The following RBFOX1 variants were observed in gnomAD, a reference collection of about 807,000 sequenced individuals.
The protein encoded by RBFOX1 is RNA binding protein fox-1 homolog 1.
Under a neutral mutation model 57.7 loss-of-function variants are expected in RBFOX1, and 8 were observed. The ratio of observed to expected loss-of-function variants is 0.14; its 90% CI spans 0.08 to 0.25. The LOEUF is 0.25. RBFOX1 is among the 10% of genes least tolerant of loss of function. RBFOX1 has a pLI of 1.00. For missense variants in RBFOX1, 611 were observed against 548.5 expected, an observed-to-expected ratio of 1.11 and a Z score of -1.14; for synonymous variants, 326 against 222.4, an observed-to-expected ratio of 1.47 and a Z score of -4.15.
chr16:6,660,376 G>C, intron 3 of RBFOX1, among the ~76,000 whole-genome samples: 1 of 152,176 alleles, frequency 6.6e-6, no homozygotes, highest in South Asian at 2.1e-4. Context: ...TGCACATCCC[G>C]CACATGTACC....
chr16:6,152,429 T>A (rs1013794197), intron 1 of RBFOX1, among the ~76,000 whole-genome samples: 1 of 152,186 alleles, frequency 6.6e-6, no homozygotes, highest in African/African-American at 2.4e-5. Flanking sequence ...GCCTGTTTAC[T>A]TCAAGGTAGA....
At chr16:7,396,214 A>C (rs1175869107) in intron 4 of RBFOX1, among the ~76,000 whole-genome samples, 1 of 152,140 alleles carries the variant, frequency 6.6e-6, no homozygotes, top group Non-Finnish European at 1.5e-5. Flanking sequence ...CTGTGTCTCC[A>C]AGAGCAAGGC....
intron 4 of RBFOX1, among the ~76,000 whole-genome samples, chr16:7,391,334 A>G (rs2098015134): frequency 2.0e-5 from 3 of 152,156 alleles, no homozygotes; most frequent in Admixed American, 6.5e-5. Context: ...TCATGGAGGT[A>G]GAGGAAAGAA....
rs117612784 is a variant in RBFOX1, at chr16:5,654,122, G to C, written c.318+55161G>C. The stretch of plus-strand genomic sequence containing the variant: ...ACACGTCTGGGTCAAATACTAGCTC[G>C]AGCATGCACCTGCTGTGTCAGTCTG... On this transcript the variant is annotated intron_variant, in intron 3 of 19. Coordinates refer to the RBFOX1 transcript ENST00000641259. 9.2e-3 allele frequency among the ~76,000 whole-genome samples: 1,399 copies of C among 152,274 alleles called. 11 individuals are homozygous for C. Among genetic ancestry groups the C allele is most frequent in the Non-Finnish European group, 0.015 (1,003 of 68,028 alleles).
chr16:7,237,171 G>T (rs767694465), intron 4 of RBFOX1, among the ~76,000 whole-genome samples: 1 of 152,198 alleles, frequency 6.6e-6, no homozygotes, highest in Non-Finnish European at 1.5e-5. Flanking sequence ...CAGCGTGCCA[G>T]ATGCCATCAC....
chr16:5,896,834 C>T (rs1052257242), intron 4 of RBFOX1, among the ~76,000 whole-genome samples: 3 of 152,016 alleles, frequency 2.0e-5, no homozygotes, highest in African/African-American at 4.8e-5. Context: ...TCTGGTGAAG[C>T]ATCAACAGCA....
At chr16:7,210,700 C>T (rs1234247258) in intron 4 of RBFOX1, among the ~76,000 whole-genome samples, 5 of 152,178 alleles carry the variant, frequency 3.3e-5, no homozygotes, top group Admixed American at 2.0e-4. Context: ...TTCTAATTTA[C>T]AACATTGTTG....
At chr16:6,484,786 A>G (rs2095439456) in intron 2 of RBFOX1, among the ~76,000 whole-genome samples, 2 of 152,208 alleles carry the variant, frequency 1.3e-5, no homozygotes, top group South Asian at 4.1e-4. Context: ...GTAAAACGTT[A>G]TGAAATTATT....
intron 3 of RBFOX1, among the ~76,000 whole-genome samples, chr16:6,904,094 C>T (rs1336163745): frequency 2.0e-5 from 3 of 152,204 alleles, no homozygotes; most frequent in Admixed American, 1.3e-4. Flanking sequence ...GTCGGATGCT[C>T]TTATTCACCA....
intron 3 of RBFOX1, among the ~76,000 whole-genome samples, chr16:6,777,167 G>C (rs2079520889): frequency 7.4e-6 from 1 of 135,678 alleles, no homozygotes; most frequent in Non-Finnish European, 1.8e-5. Context: ...ATATTTCTAG[G>C]GTATTTTCTG....
chr16:6,799,890 C>T (rs546518223), intron 3 of RBFOX1, among the ~76,000 whole-genome samples: 34 of 152,270 alleles, frequency 2.2e-4, no homozygotes, highest in African/African-American at 7.9e-4. Flanking sequence ...TGAGTCATTA[C>T]TGGCTTCCTT....
At chr16:6,551,547 C>G (rs966816491) in intron 2 of RBFOX1, among the ~76,000 whole-genome samples, 25 of 152,176 alleles carry the variant, frequency 1.6e-4, no homozygotes, top group African/African-American at 5.8e-4. Flanking sequence ...CACACACATT[C>G]ATCAAGTGAT....
chr16:7,078,413 T>C (rs1252950447), intron 4 of RBFOX1, among the ~76,000 whole-genome samples: 1 of 152,204 alleles, frequency 6.6e-6, no homozygotes, highest in Non-Finnish European at 1.5e-5. Context: ...AGTGGCACGA[T>C]CTTGGCTCAC....
chr16:6,932,513 C>T (rs1180574031), intron 3 of RBFOX1, among the ~76,000 whole-genome samples: 1 of 152,162 alleles, frequency 6.6e-6, no homozygotes, highest in African/African-American at 2.4e-5. Context: ...GGATTACATC[C>T]TTAGGAGGAT....
In RBFOX1 at chr16:5,571,097, G is replaced by C. The variant is rs2046266774; in HGVS notation, c.259-27805G>C. 2.0e-5 allele frequency among the ~76,000 whole-genome samples: 3 copies of C among 151,754 alleles called. No individual in the cohort carries two copies. In the South Asian group the frequency reaches 6.3e-4, roughly 32 times the overall value. On this transcript the variant is annotated intron_variant, in intron 2 of 2. Coordinates refer to the RBFOX1 transcript ENST00000585867. ...GATGTCTGTTCACTGAAGATCCCCT[G>C]ATCACTCCCCCAGCCCTTCATGTAA...
Position 5,509,674 on chromosome 16 carries a change from G to A in RBFOX1, c.258+42420G>A, listed in dbSNP as rs368384927. 3.9e-5 allele frequency among the ~76,000 whole-genome samples: 6 copies of A among 152,302 alleles called. No homozygotes were observed. In the East Asian group the frequency reaches 9.6e-4, roughly 24 times the overall value. ...CACCACGCAGACAGTGGATTGGAGC[G>A]GCAAGAGCGGGTGCCAGGAGAGCTG... On this transcript the variant is annotated intron_variant, in intron 2 of 2. Coordinates refer to the RBFOX1 transcript ENST00000585867.
intron 3 of RBFOX1, among the ~76,000 whole-genome samples, chr16:5,828,622 C>G (rs2056158903): frequency 1.3e-5 from 2 of 152,026 alleles, no homozygotes; most frequent in African/African-American, 2.4e-5. Context: ...TCGGTTGAAC[C>G]CAGGAGGCAG....
intron 5 of RBFOX1, among the ~76,000 whole-genome samples, chr16:7,523,656 G>T (rs759916431): frequency 3.9e-5 from 6 of 152,172 alleles, no homozygotes; most frequent in Non-Finnish European, 5.9e-5. Flanking sequence ...GAAGCAGGTG[G>T]GCTTTGGGGC....
At chr16:5,318,065 T>C (rs937164302) in intron 1 of RBFOX1, among the ~76,000 whole-genome samples, 1 of 152,142 alleles carries the variant, frequency 6.6e-6, no homozygotes. Context: ...AGTGGATGTC[T>C]GTAGGTTTGA....
Sources: gnomAD v4.1 joint callset for allele counts (sites outside exome capture counted in the v4.1 genomes callset) on GRCh38, gnomAD v4.1.1 for gene constraint, MANE v1.5 for transcripts, NCBI Gene and HGNC (gene_info 2026-07-23, HGNC 2026-07-21) for gene names.